The following GNPTAB variants were observed in gnomAD, a reference collection of about 807,000 sequenced individuals.
The protein encoded by GNPTAB is N-acetylglucosamine-1-phosphotransferase subunits alpha/beta.
In GNPTAB, 92 loss-of-function variants were observed where a neutral mutation model predicts 136.6. The observed-to-expected ratio is 0.67, with a 90% CI of 0.57 to 0.80. The LOEUF (loss-of-function observed/expected upper bound fraction) is 0.80. GNPTAB is among the 30% of genes least tolerant of loss of function. The probability of loss-of-function intolerance (pLI) is 0.00; values close to 1 mark genes in which losing one functional copy is unlikely to be tolerated. For synonymous variants in GNPTAB, 512 were observed against 535.1 expected (o/e 0.96, Z 0.60); for missense variants, 1,343 against 1,501.8 (o/e 0.89, Z 1.75).
At chr12:101,792,155 G>C (rs1393010687) in intron 2 of GNPTAB, among the ~76,000 whole-genome samples, 1 of 152,170 alleles carries the variant, frequency 6.6e-6, no homozygotes, top group Non-Finnish European at 1.5e-5. Flanking sequence ...TGACATTTCA[G>C]CAAAGATATG....
chr12:101,767,566 A>G (rs934217973), intron 11 of GNPTAB, among the ~76,000 whole-genome samples: 12 of 152,214 alleles, frequency 7.9e-5, no homozygotes, highest in Non-Finnish European at 1.8e-4. Flanking sequence ...GCCCTCAACA[A>G]TGAATAAACT....
At chr12:101,754,630 T>C (rs750537541) in intron 18 of GNPTAB, among the ~76,000 whole-genome samples, 8 of 152,132 alleles carry the variant, frequency 5.3e-5, no homozygotes, top group Non-Finnish European at 1.0e-4. Context: ...ATTACAGTGG[T>C]GCTTCCTTGC....
rs281864955 is a variant in GNPTAB at position 101,786,141 on chromosome 12, TG to T, written c.441del (p.Asn148ThrfsTer4). ...GATGGCAGGTCCTTCAGGGTGATGT[TG>T]GCTGGCAGGGCTGGGTCCAGGACAA... Reference protein sequence around the residue: ...PMLVLDPALPANITLKDLPSL... With the variant: ...PMLVLDPALPXNITLKDLPSL... On this transcript the variant is annotated frameshift_variant, in exon 5 of 21. Coordinates refer to ENST00000299314, the MANE Select transcript of GNPTAB (RefSeq NM_024312.5). LOFTEE classifies it high-confidence loss of function. The T allele has an allele frequency of 9.9e-6, 16 of 1,613,996 alleles. No homozygotes were observed. The South Asian group carries it at 1.8e-4, about 18-fold the overall frequency.
At chr12:101,770,975 A>C in intron 8 of GNPTAB, 21 bp downstream of exon 8, 2 of 1,611,828 alleles carry the variant, frequency 1.2e-6, no homozygotes, top group Non-Finnish European at 1.7e-6. Context: ...TGGGCTGTAA[A>C]AGCTTCTGTG....
rs1257678960 is a variant in GNPTAB, at chr12:101,753,433, G to A, written c.3541C>T (p.Gln1181Ter). 1 of 1,613,800 alleles carries A rather than the reference G, an allele frequency of 6.2e-7. No individual in the cohort carries two copies. Among genetic ancestry groups the A allele is most frequent in the Admixed American group, 1.7e-5 (1 of 60,016 alleles). ...CGATACTCTCTTGGCAGTTCAAATT[G>A]GGAAGGTATGGGGAACATGGATTCA... ...FYESMFPIPS[Q>*]FELPREYRNR... The change falls in exon 19 of 21, where the codon CAA becomes TAA. Residue 1181 changes from glutamine (Q) to a stop codon, truncating the protein, a stop_gained. Coordinates refer to ENST00000299314, the MANE Select transcript of GNPTAB (RefSeq NM_024312.5). LOFTEE classifies it high-confidence loss of function.
chr12:101,782,671 G>A (rs1868405792), intron 5 of GNPTAB, among the ~76,000 whole-genome samples: 1 of 152,202 alleles, frequency 6.6e-6, no homozygotes, highest in South Asian at 2.1e-4. Context: ...ACCCTCTGGT[G>A]ATTCCTCATC....
Position 101,770,568 on chromosome 12 carries a change from GTCT to G in GNPTAB, c.948_950del (p.Glu316del). ...TATCTTCAAAACGACTGGCAGAGAT[GTCT>G]TCATCCTGCTTAGACTGAGAAAAAC... On this transcript the variant is annotated inframe_deletion, in exon 9 of 21. Coordinates refer to ENST00000299314, the MANE Select transcript of GNPTAB (RefSeq NM_024312.5). 6.2e-7 allele frequency: 1 copy of G among 1,612,244 alleles called. No individual in the cohort carries two copies. Among genetic ancestry groups the G allele is most frequent in the Non-Finnish European group, 8.5e-7 (1 of 1,178,324 alleles).
chr12:101,758,037 A>ATTTTTT (rs565284497), intron 16 of GNPTAB, among the ~76,000 whole-genome samples: 2 of 126,230 alleles, frequency 1.6e-5, no homozygotes, highest in Non-Finnish European at 3.3e-5. Flanking sequence ...TCATAGTCTC[A>ATTTTTT]TTTTTTTTTT....
At position 101,796,759 on chromosome 12, in the gene GNPTAB, C is replaced by G; in HGVS notation, c.121G>C (p.Val41Leu). The change falls in exon 2 of 21, where the codon GTT (valine) becomes CTT (leucine). Residue 41 changes from valine to leucine, a missense_variant. Transcript: ENST00000299314. ...TATTGATCTCGGCTCCATTCCAGAACCACCTAGAACAAAGAAAAAGAAACG... is the reference window on the plus strand; with the variant it reads ...TATTGATCTCGGCTCCATTCCAGAAGCACCTAGAACAAAGAAAAAGAAACG... ...IVSAFQFGEV[V>L]LEWSRDQYHV... 6.2e-7 allele frequency: 1 copy of G among 1,604,546 alleles called. No homozygotes were observed.
At chr12:101,758,099 C>T (rs1257077325) in intron 16 of GNPTAB, among the ~76,000 whole-genome samples, 5 of 148,344 alleles carry the variant, frequency 3.4e-5, no homozygotes, top group Non-Finnish European at 5.9e-5. Context: ...AGTGCAGTGG[C>T]GCGATCTCAG....
At position 101,761,629 on chromosome 12, in the gene GNPTAB, C is replaced by T. The variant is rs750905375; in HGVS notation, c.2850G>A (p.Ser950=). ...KILNSKFGFT[S]RKVPAHMPHM... ...GAGGCATGTGAGCAGGGACTTTCCGCGATGTGAATCCAAACTTGCTATTTA... is the reference window on the plus strand; with the variant it reads ...GAGGCATGTGAGCAGGGACTTTCCGTGATGTGAATCCAAACTTGCTATTTA... Residue 950 remains serine, a synonymous_variant, in exon 14 of 21, where the codon TCG becomes TCA. Transcript: ENST00000299314. 5.6e-6 allele frequency: 9 copies of T among 1,614,124 alleles called. No homozygotes were observed. Among genetic ancestry groups the T allele is most frequent in the Middle Eastern group, 1.6e-4 (1 of 6,062 alleles).
intron 1 of GNPTAB, among the ~76,000 whole-genome samples, chr12:101,803,167 TA>T (rs910465100): frequency 1.2e-4 from 19 of 152,170 alleles, no homozygotes; most frequent in African/African-American, 4.6e-4. Context: ...AAGGTCCCTC[TA>T]ACCTTGTCTT....
chr12:101,766,768 T>C (rs1305239452), intron 11 of GNPTAB, among the ~76,000 whole-genome samples: 2 of 152,056 alleles, frequency 1.3e-5, no homozygotes, highest in Non-Finnish European at 2.9e-5. Context: ...AAGAAGAAAA[T>C]AAACGTAAAA....
chr12:101,800,904 C>T (rs1417968052), intron 1 of GNPTAB, among the ~76,000 whole-genome samples: 1 of 152,042 alleles, frequency 6.6e-6, no homozygotes, highest in Non-Finnish European at 1.5e-5. Flanking sequence ...AATTGCCTCT[C>T]TACAAGACAC....
chr12:101,781,753 C>T (rs74683465), intron 5 of GNPTAB, among the ~76,000 whole-genome samples: 1,764 of 152,246 alleles, frequency 0.012, 21 homozygotes, highest in Non-Finnish European at 0.014. Flanking sequence ...CACTGTTTAT[C>T]TTTAAAGGAA....
chr12:101,763,853 G>A (rs1419101282), intron 13 of GNPTAB, among the ~76,000 whole-genome samples: 1 of 152,108 alleles, frequency 6.6e-6, no homozygotes, highest in African/African-American at 2.4e-5. Flanking sequence ...GAACTTCAGG[G>A]TTTTTCATCA....
At chr12:101,776,897 G>T (rs1348191602) in intron 7 of GNPTAB, among the ~76,000 whole-genome samples, 2 of 152,228 alleles carry the variant, frequency 1.3e-5, no homozygotes, top group African/African-American at 2.4e-5. Context: ...CCTCCTGGGG[G>T]AACCTGCGAG....
intron 1 of GNPTAB, among the ~76,000 whole-genome samples, chr12:101,804,239 CT>C (rs1869811343): frequency 6.6e-6 from 1 of 151,502 alleles, no homozygotes; most frequent in Non-Finnish European, 1.5e-5. Flanking sequence ...AAAAGTATTG[CT>C]TTGTGCTTTG....
At position 101,796,622 on chromosome 12, in the gene GNPTAB, T is replaced by C. The variant is rs1869307740; in HGVS notation, c.203+55A>G. On this transcript the variant is annotated intron_variant, in intron 2 of 20. Transcript: ENST00000299314. ...AACTGTCATATTTACAGGATGGCTA[T>C]TTCATGACTTACGATTTAGGTCCAA... The C allele has an allele frequency of 2.2e-5, 25 of 1,160,620 alleles. No homozygotes were observed. In the Admixed American group the frequency reaches 3.0e-4, roughly 14 times the overall value. 71.9% of individuals were successfully genotyped at this position (1,160,620 alleles called of 1,614,324 possible).
Sources: allele counts gnomAD v4.1 joint callset (sites outside exome capture counted in the v4.1 genomes callset), GRCh38; gene constraint gnomAD v4.1.1; transcripts MANE v1.5; gene names NCBI Gene and HGNC (gene_info 2026-07-23, HGNC 2026-07-21).